Variants in NAALADL2 observed in about 807,000 individuals in gnomAD.
NAALADL2 encodes N-acetylated alpha-linked acidic dipeptidase like 2, also known as inactive N-acetylated-alpha-linked acidic dipeptidase-like protein 2.
A neutral mutation model predicts 87.2 loss-of-function variants in NAALADL2; 76 were observed. The observed-to-expected ratio is 0.87, with a 90% confidence interval of 0.72 to 1.05. The LOEUF is 1.05. Among genes scored for constraint, NAALADL2 ranks in the 50% least tolerant of loss-of-function variants. The pLI is 0.00. For synonymous variants in NAALADL2, 354 were observed against 331.0 expected (o/e 1.07, Z -0.75); for missense variants, 1,089 against 945.8 (o/e 1.15, Z -1.99).
At chr3:174,826,078 A>C (rs554756893) in intron 3 of NAALADL2, among the ~76,000 whole-genome samples, 1 of 146,870 alleles carries the variant, frequency 6.8e-6, no homozygotes, top group East Asian at 1.9e-4. Flanking sequence ...AACAACAATC[A>C]AACAAAATCC....
intron 1 of NAALADL2, among the ~76,000 whole-genome samples, chr3:175,027,462 A>G (rs535569541): frequency 6.6e-6 from 1 of 152,104 alleles, no homozygotes; most frequent in African/African-American, 2.4e-5. Context: ...ACATAACGGT[A>G]TGATTTTATT....
intron 13 of NAALADL2, among the ~76,000 whole-genome samples, chr3:175,765,164 A>ATAATC (rs540445609): frequency 1.8e-4 from 27 of 152,268 alleles, no homozygotes; most frequent in African/African-American, 5.5e-4. Flanking sequence ...ACAAAATTTT[A>ATAATC]TAATCTATAC....
intron 1 of NAALADL2, among the ~76,000 whole-genome samples, chr3:174,959,930 G>A (rs577861575): frequency 2.0e-5 from 3 of 151,936 alleles, no homozygotes; most frequent in African/African-American, 7.2e-5. Context: ...TGAAAGTATC[G>A]AATTCTTAAA....
chr3:175,786,860 T>G (rs1752049612), intron 13 of NAALADL2, among the ~76,000 whole-genome samples: 1 of 152,158 alleles, frequency 6.6e-6, no homozygotes, highest in African/African-American at 2.4e-5. Flanking sequence ...CTTTTGGTCT[T>G]TGATTATGGT....
chr3:174,958,797 G>A lies in NAALADL2; in HGVS notation c.43+99347G>A, dbSNP rs370594109. 2.0e-4 allele frequency among the ~76,000 whole-genome samples: 31 copies of A among 152,074 alleles called. 1 individual carries two copies. The highest frequency in any genetic ancestry group is 3.4e-3 in the Middle Eastern group (1 of 294). On this transcript the variant is annotated intron_variant, in intron 1 of 13. Coordinates refer to ENST00000454872, the MANE Select transcript of NAALADL2 (RefSeq NM_207015.3). ...TAGACTGCTTACATTCAATCAGTGC[G>A]AAGTTGGAAAAGACTGTCTTGTACA...
intron 9 of NAALADL2, among the ~76,000 whole-genome samples, chr3:175,494,687 C>G (rs992019689): frequency 3.9e-5 from 6 of 152,176 alleles, no homozygotes; most frequent in Middle Eastern, 3.4e-3. Context: ...GTACCGATTT[C>G]CAATCGGTAC....
At chr3:175,692,973 G>T (rs1737246884) in intron 11 of NAALADL2, among the ~76,000 whole-genome samples, 1 of 152,142 alleles carries the variant, frequency 6.6e-6, no homozygotes, top group South Asian at 2.1e-4. Flanking sequence ...ACAACTCACA[G>T]AACTCATTAA....
chr3:175,037,069 G>A (rs895773326), intron 1 of NAALADL2, among the ~76,000 whole-genome samples: 1 of 151,814 alleles, frequency 6.6e-6, no homozygotes, highest in Non-Finnish European at 1.5e-5. Flanking sequence ...CTTTAACTAC[G>A]TTTCTCACCC....
At chr3:175,702,477 A>G (rs1018384526) in intron 11 of NAALADL2, among the ~76,000 whole-genome samples, 2 of 152,178 alleles carry the variant, frequency 1.3e-5, no homozygotes, top group African/African-American at 4.8e-5. Flanking sequence ...GACAGAAAAA[A>G]AAACTAAAAA....
chr3:174,493,324 G>A (rs1458927413), intron 1 of NAALADL2, among the ~76,000 whole-genome samples: 2 of 152,110 alleles, frequency 1.3e-5, no homozygotes, highest in African/African-American at 4.8e-5. Context: ...TTTGCATATA[G>A]ACACAGACAT....
chr3:175,701,489 T>C (rs1472558380), intron 11 of NAALADL2, among the ~76,000 whole-genome samples: 4 of 152,160 alleles, frequency 2.6e-5, no homozygotes, highest in African/African-American at 9.7e-5. Context: ...TGTGCGTGTA[T>C]TAATATTTGG....
In NAALADL2 at chr3:174,884,802, G is replaced by A. The variant is rs570282442; in HGVS notation, c.43+25352G>A. On this transcript the variant is annotated intron_variant, in intron 1 of 13. Transcript: ENST00000454872. ...AGAAAACTCAAGCAGTTCTTTTCGAGTATAGCACACCTCCTCAGAGGTGAC... is the reference window on the plus strand; with the variant it reads ...AGAAAACTCAAGCAGTTCTTTTCGAATATAGCACACCTCCTCAGAGGTGAC... Among the ~76,000 whole-genome samples, 7 of 152,200 alleles carry A rather than the reference G, an allele frequency of 4.6e-5. No individual in the cohort carries two copies. The East Asian group carries it at 9.7e-4, about 21-fold the overall frequency.
chr3:175,088,405 A>G (rs1181912221), intron 1 of NAALADL2, among the ~76,000 whole-genome samples: 1 of 152,216 alleles, frequency 6.6e-6, no homozygotes, highest in African/African-American at 2.4e-5. Context: ...CCACAGTATC[A>G]TGATATATTA....
intron 11 of NAALADL2, among the ~76,000 whole-genome samples, chr3:175,696,729 C>T (rs755680629): frequency 5.3e-5 from 8 of 152,024 alleles, no homozygotes; most frequent in Admixed American, 6.6e-5. Flanking sequence ...GATAGAATAC[C>T]ACAGACCAGG....
chr3:174,547,499 C>G (rs1459050318), intron 1 of NAALADL2, among the ~76,000 whole-genome samples: 1 of 152,066 alleles, frequency 6.6e-6, no homozygotes, highest in African/African-American at 2.4e-5. Context: ...GACATGATTA[C>G]TCTCTCATTT....
At chr3:175,027,778 T>A (rs777854443) in intron 1 of NAALADL2, among the ~76,000 whole-genome samples, 3 of 152,140 alleles carry the variant, frequency 2.0e-5, no homozygotes, top group Non-Finnish European at 1.5e-5. Context: ...AATTTTTATA[T>A]TTCTAGCAGT....
rs1560332948 is a variant in NAALADL2, at chr3:174,893,321, C to CA, written c.43+33876dup. Among the ~76,000 whole-genome samples, 4 of 147,126 alleles carry CA rather than the reference C, an allele frequency of 2.7e-5. No homozygotes were observed. The South Asian group carries it at 9.1e-4, about 33-fold the overall frequency. ...AAGGGAGTACTTCAACCCCCCCCCG[C>CA]AAAAAGTTATTATTGAGCAATAAAT... is the stretch of plus-strand genomic sequence containing the variant. On this transcript the variant is annotated intron_variant, in intron 1 of 13. Transcript: ENST00000454872.
At chr3:174,485,380 ATTATT>A (rs1717788772) in intron 1 of NAALADL2, among the ~76,000 whole-genome samples, 1 of 150,736 alleles carries the variant, frequency 6.6e-6, no homozygotes, top group African/African-American at 2.4e-5. Flanking sequence ...TGTTTTACAG[ATTATT>A]TTGTCACCCA....
intron 1 of NAALADL2, among the ~76,000 whole-genome samples, chr3:174,866,800 T>A (rs1727202784): frequency 6.6e-6 from 1 of 151,756 alleles, no homozygotes; most frequent in Non-Finnish European, 1.5e-5. Context: ...AATAGGAATT[T>A]GGAGAAAAAG....
Sources: allele counts gnomAD v4.1 joint callset (sites outside exome capture counted in the v4.1 genomes callset), GRCh38; gene constraint gnomAD v4.1.1; transcripts MANE v1.5; gene names NCBI Gene and HGNC (gene_info 2026-07-23, HGNC 2026-07-21).